B3GALT1: variants seen among roughly 807,000 people sequenced by gnomAD.
B3GALT1 encodes the protein UDP-Gal:betaGlcNAc beta 1,3-galactosyltransferase, polypeptide 1.
Under a neutral mutation model 23.2 loss-of-function variants are expected in B3GALT1, and 10 were observed. That is an observed-to-expected ratio of 0.43 (90% CI 0.27 to 0.73). The LOEUF (loss-of-function observed/expected upper bound fraction) is 0.73. Among genes scored for constraint, B3GALT1 ranks in the 30% least tolerant of loss-of-function variants. The probability of loss-of-function intolerance (pLI) is 0.21; values close to 1 mark genes in which losing one functional copy is unlikely to be tolerated. For synonymous variants in B3GALT1, 156 were observed against 141.5 expected, an observed-to-expected ratio of 1.10 and a Z score of -0.73; for missense variants, 299 against 405.4, an observed-to-expected ratio of 0.74 and a Z score of 2.25.
At chr2:167,355,679 G>A (rs766201565) in intron 1 of B3GALT1, among the ~76,000 whole-genome samples, 3 of 151,854 alleles carry the variant, frequency 2.0e-5, no homozygotes, top group Non-Finnish European at 2.9e-5. Context: ...TTATATTCCT[G>A]AAATTCAGAA....
At chr2:167,814,216 T>C (rs767832889) in intron 3 of B3GALT1, among the ~76,000 whole-genome samples, 4 of 152,224 alleles carry the variant, frequency 2.6e-5, no homozygotes, top group African/African-American at 9.6e-5. Flanking sequence ...CTTTGATAAC[T>C]CTGTCACTTG....
chr2:167,603,303 T>C (rs2105425686), intron 2 of B3GALT1, among the ~76,000 whole-genome samples: 1 of 152,058 alleles, frequency 6.6e-6, no homozygotes, highest in Non-Finnish European at 1.5e-5. Flanking sequence ...GGCGCAAGAG[T>C]CAGAAGATAC....
chr2:167,693,434 T>C (rs566162315), intron 3 of B3GALT1, among the ~76,000 whole-genome samples: 1 of 152,186 alleles, frequency 6.6e-6, no homozygotes, highest in South Asian at 2.1e-4. Context: ...TTCAACAAGA[T>C]TGAATAGACA....
intron 1 of B3GALT1, among the ~76,000 whole-genome samples, chr2:167,300,228 A>T (rs1306200074): frequency 6.6e-6 from 1 of 152,186 alleles, no homozygotes; most frequent in Non-Finnish European, 1.5e-5. Context: ...TAAATGTTAT[A>T]AAGAGTTATT....
intron 2 of B3GALT1, among the ~76,000 whole-genome samples, chr2:167,590,025 G>A (rs1024195682): frequency 6.6e-6 from 1 of 152,050 alleles, no homozygotes; most frequent in Non-Finnish European, 1.5e-5. Context: ...GTTGACAGCT[G>A]CTAACCACCT....
At chr2:167,807,896 G>A (rs1428133293) in intron 3 of B3GALT1, among the ~76,000 whole-genome samples, 4 of 151,918 alleles carry the variant, frequency 2.6e-5, no homozygotes, top group Non-Finnish European at 2.9e-5. Context: ...AATGTTGACA[G>A]TGGGGTGTTA....
At chr2:167,579,206 G>A (rs186633063) in intron 2 of B3GALT1, among the ~76,000 whole-genome samples, 60 of 151,984 alleles carry the variant, frequency 3.9e-4, no homozygotes, top group African/African-American at 1.4e-3. Flanking sequence ...TGCTGAATTT[G>A]TTCAACCTTA....
chr2:167,563,219 G>A (rs1349650031), intron 2 of B3GALT1, among the ~76,000 whole-genome samples: 3 of 150,344 alleles, frequency 2.0e-5, no homozygotes. Context: ...CCTCCCAGCA[G>A]GTGCAGCCGG....
intron 2 of B3GALT1, among the ~76,000 whole-genome samples, chr2:167,597,157 C>G (rs937546073): frequency 6.6e-6 from 1 of 150,738 alleles, no homozygotes; most frequent in Admixed American, 6.6e-5. Flanking sequence ...TCTCTGTCGC[C>G]CAGGCTGGAG....
At chr2:167,305,054 T>C (rs935135010) in intron 1 of B3GALT1, among the ~76,000 whole-genome samples, 3 of 152,180 alleles carry the variant, frequency 2.0e-5, no homozygotes, top group African/African-American at 4.8e-5. Flanking sequence ...TTACTCAGTC[T>C]ACAGATTCAG....
chr2:167,748,859 C>A (rs972651217), intron 3 of B3GALT1, among the ~76,000 whole-genome samples: 5 of 152,170 alleles, frequency 3.3e-5, no homozygotes, highest in African/African-American at 1.2e-4. Flanking sequence ...TGTTCTCACA[C>A]TGCTCAATAA....
chr2:167,310,044 C>G (rs376576369), intron 1 of B3GALT1, among the ~76,000 whole-genome samples: 85 of 152,148 alleles, frequency 5.6e-4, no homozygotes, highest in African/African-American at 1.9e-3. Context: ...TTTCATTTAT[C>G]AAGTTACAAT....
At chr2:167,817,846 C>G (rs1247273700) in intron 3 of B3GALT1, among the ~76,000 whole-genome samples, 2 of 152,128 alleles carry the variant, frequency 1.3e-5, no homozygotes, top group African/African-American at 4.8e-5. Context: ...AGAATCTGAT[C>G]AATAGAAGGC....
chr2:167,524,478 G>A (rs1273071810), intron 2 of B3GALT1, among the ~76,000 whole-genome samples: 3 of 152,054 alleles, frequency 2.0e-5, no homozygotes, highest in Non-Finnish European at 2.9e-5. Context: ...AATTAGTTTA[G>A]GCTGTTAAAA....
At chr2:167,675,051 G>C (rs1298022108) in intron 3 of B3GALT1, among the ~76,000 whole-genome samples, 2 of 152,154 alleles carry the variant, frequency 1.3e-5, no homozygotes, top group Non-Finnish European at 2.9e-5. Flanking sequence ...CCAGGACTGT[G>C]GTCTGGACTT....
chr2:167,824,059 T>C (rs1435642202), intron 4 of B3GALT1, among the ~76,000 whole-genome samples: 2 of 152,226 alleles, frequency 1.3e-5, no homozygotes, highest in Non-Finnish European at 2.9e-5. Context: ...TGACTCCTGA[T>C]ATGATAGCTG....
chr2:167,431,012 A>G (rs980101561), intron 1 of B3GALT1, among the ~76,000 whole-genome samples: 20 of 152,174 alleles, frequency 1.3e-4, no homozygotes, highest in East Asian at 5.8e-4. Context: ...TGCAATTTTT[A>G]TATTTGGACA....
chr2:167,530,344 C>T (rs1683305000), intron 2 of B3GALT1, among the ~76,000 whole-genome samples: 1 of 152,154 alleles, frequency 6.6e-6, no homozygotes, highest in Non-Finnish European at 1.5e-5. Flanking sequence ...GTTTCACCCA[C>T]TAGAATGTAA....
At chr2:167,702,159 A>G (rs1686890646) in intron 3 of B3GALT1, among the ~76,000 whole-genome samples, 1 of 152,144 alleles carries the variant, frequency 6.6e-6, no homozygotes, top group Admixed American at 6.5e-5. Context: ...TGGCTTCCTG[A>G]GGAACTCTTA....
Sources: gnomAD v4.1 joint callset for allele counts (sites outside exome capture counted in the v4.1 genomes callset) on GRCh38, gnomAD v4.1.1 for gene constraint, MANE v1.5 for transcripts, NCBI Gene and HGNC (gene_info 2026-07-23, HGNC 2026-07-21) for gene names.